MRPL48: variants seen among roughly 807,000 people sequenced by gnomAD.
The protein encoded by MRPL48 is large ribosomal subunit protein mL48.
In MRPL48, 16 loss-of-function variants were observed where a neutral mutation model predicts 32.9. The observed-to-expected ratio is 0.49, with a 90% CI of 0.33 to 0.74. The LOEUF (loss-of-function observed/expected upper bound fraction) is 0.74. Ranked by LOEUF, MRPL48 falls within the 30% of genes least tolerant of loss-of-function variation. The pLI is 0.02. For missense variants in MRPL48, 206 were observed against 245.3 expected (o/e 0.84, Z 1.07); for synonymous variants, 94 against 89.2 (o/e 1.05, Z -0.31).
intron 4 of MRPL48, among the ~76,000 whole-genome samples, chr11:73,833,076 A>G (rs1948024660): frequency 6.6e-6 from 1 of 152,150 alleles, no homozygotes. Context: ...AATTTTAAAA[A>G]CAAAAAAGAA....
At chr11:73,842,757 C>T (rs1948213862) in intron 4 of MRPL48, 1 of 152,324 alleles carries the variant, frequency 6.6e-6, no homozygotes, top group Non-Finnish European at 1.5e-5. Context: ...AGACGTGAGC[C>T]ACCGCGCCCG....
chr11:73,852,629 C>A (rs1242214905), intron 5 of MRPL48, among the ~76,000 whole-genome samples: 1 of 151,982 alleles, frequency 6.6e-6, no homozygotes, highest in Non-Finnish European at 1.5e-5. Flanking sequence ...GAAAAAGGAA[C>A]CTTTATACAC....
At chr11:73,845,024 C>T (rs1177282708) in intron 5 of MRPL48, 48 bp downstream of exon 5, 1 of 1,545,102 alleles carries the variant, frequency 6.5e-7, no homozygotes. Context: ...GGGTAGAATG[C>T]TCTGTTTTTT....
In MRPL48 at chr11:73,826,342, TA is replaced by T. The variant is rs532541329; in HGVS notation, c.201+555del. ...GCCTGATTTTATTATTTGTAATACT[TA>T]AAAAAAAATCTTCCTAGTAGTGTAC... On this transcript the variant is annotated intron_variant, in intron 4 of 7. Transcript: ENST00000310614. Among the ~76,000 whole-genome samples, 8 of 151,642 alleles carry T rather than the reference TA, an allele frequency of 5.3e-5. No individual in the cohort carries two copies. The South Asian group carries it at 8.3e-4, about 16-fold the overall frequency.
intron 1 of MRPL48, among the ~76,000 whole-genome samples, chr11:73,793,903 G>A (rs1449299614): frequency 7.0e-6 from 1 of 142,100 alleles, no homozygotes; most frequent in Non-Finnish European, 1.5e-5. Flanking sequence ...ACAGGGTCTC[G>A]CTATATTGCC....
rs1436207128 is a variant in MRPL48 at position 73,794,658 on chromosome 11, A to G, written c.21+6666A>G. On this transcript the variant is annotated intron_variant, in intron 1 of 7. Transcript: ENST00000310614. ...TGGGTTAAGTTGTTCAAGAGAATCT[A>G]GTTAGGGAATTGAGTTTAATGGAGC... 2.6e-5 allele frequency among the ~76,000 whole-genome samples: 4 copies of G among 152,210 alleles called. No individual in the cohort carries two copies. In the East Asian group the frequency reaches 7.7e-4, roughly 29 times the overall value.
In MRPL48 at chr11:73,864,409, A is replaced by G. The variant is rs1466735716; in HGVS notation, c.*39A>G. 1 of 1,602,212 alleles carries G rather than the reference A, an allele frequency of 6.2e-7. No individual in the cohort carries two copies. The highest frequency in any genetic ancestry group is 1.7e-5 in the Admixed American group (1 of 59,168). On this transcript the variant is annotated 3_prime_UTR_variant, in exon 8 of 8. Coordinates refer to ENST00000310614, the MANE Select transcript of MRPL48 (RefSeq NM_016055.6). Reference sequence around the variant, plus strand: ...TTTCATGCCAGCAGTGGTCATATTGAGTGCCAAAGAGAAGAGCTTACTGGG... The same window carrying G: ...TTTCATGCCAGCAGTGGTCATATTGGGTGCCAAAGAGAAGAGCTTACTGGG...
Position 73,849,206 on chromosome 11 carries a change from G to A in MRPL48, c.371+4230G>A, listed in dbSNP as rs886886407. Among the ~76,000 whole-genome samples the A allele has an allele frequency of 7.2e-5, 11 of 152,004 alleles. No individual in the cohort carries two copies. In the South Asian group the frequency reaches 2.1e-3, roughly 29 times the overall value. On this transcript the variant is annotated intron_variant, in intron 5 of 7. Transcript: ENST00000310614. ...AGCTGGAGTGCAGTGGCGCAATCTC[G>A]GCTGACTGCAACCTCTGCCTCCCAG...
intron 4 of MRPL48, among the ~76,000 whole-genome samples, chr11:73,830,576 G>GA (rs111687675): frequency 6.6e-6 from 1 of 151,928 alleles, no homozygotes; most frequent in South Asian, 2.1e-4. Context: ...CCTAAGCCTA[G>GA]AAAAAAAATA....
intron 3 of MRPL48, among the ~76,000 whole-genome samples, chr11:73,818,501 G>C (rs1947715319): frequency 6.6e-6 from 1 of 152,204 alleles, no homozygotes; most frequent in Non-Finnish European, 1.5e-5. Flanking sequence ...AGCTGGCAGG[G>C]ACAAATCATT....
intron 3 of MRPL48, among the ~76,000 whole-genome samples, chr11:73,821,264 A>C (rs1480851130): frequency 6.6e-6 from 1 of 152,040 alleles, no homozygotes; most frequent in Non-Finnish European, 1.5e-5. Context: ...CAAAGTGCAG[A>C]GATTACAGGC....
At chr11:73,817,897 TG>T in intron 3 of MRPL48, 1 of 282,974 alleles carries the variant, frequency 3.5e-6, no homozygotes, top group South Asian at 3.1e-5. Flanking sequence ...CTCGAACTCC[TG>T]GGTTCAAGCA....
intron 3 of MRPL48, among the ~76,000 whole-genome samples, chr11:73,809,417 T>C (rs542608563): frequency 3.3e-5 from 5 of 151,538 alleles, no homozygotes; most frequent in African/African-American, 4.8e-5. Context: ...GGCAGGAGAA[T>C]TGTTTGAACC....
At chr11:73,852,456 T>C (rs924752462) in intron 5 of MRPL48, among the ~76,000 whole-genome samples, 3 of 138,408 alleles carry the variant, frequency 2.2e-5, no homozygotes, top group African/African-American at 8.0e-5. Context: ...AAGATCTGAA[T>C]AGACGTTTCT....
chr11:73,848,488 A>ATTTT (rs56364963), intron 5 of MRPL48, among the ~76,000 whole-genome samples: 21 of 144,948 alleles, frequency 1.4e-4, no homozygotes, highest in Non-Finnish European at 2.3e-4. Context: ...GTCCGATGGG[A>ATTTT]TTTTTTTTTT....
At chr11:73,843,932 A>G (rs1177443740) in intron 4 of MRPL48, among the ~76,000 whole-genome samples, 1 of 152,072 alleles carries the variant, frequency 6.6e-6, no homozygotes, top group Non-Finnish European at 1.5e-5. Flanking sequence ...TACAAAAGTT[A>G]GCCAGGTGTG....
intron 5 of MRPL48, chr11:73,850,615 G>T: frequency 6.3e-6 from 2 of 316,938 alleles, no homozygotes; most frequent in Non-Finnish European, 1.2e-5. Flanking sequence ...ACATTAAGTT[G>T]TCCAAATTAT....
At chr11:73,793,896 G>A (rs927067730) in intron 1 of MRPL48, among the ~76,000 whole-genome samples, 3 of 148,066 alleles carry the variant, frequency 2.0e-5, no homozygotes, top group African/African-American at 7.5e-5. Flanking sequence ...CTGGAGAACA[G>A]GGTCTCGCTA....
Position 73,844,390 on chromosome 11 carries a change from C to T in MRPL48, c.202-417C>T, listed in dbSNP as rs536970115. Among the ~76,000 whole-genome samples the T allele has an allele frequency of 2.0e-5, 3 of 152,196 alleles. No individual in the cohort carries two copies. The East Asian group carries it at 5.8e-4, about 29-fold the overall frequency. ...AGGTTGCAGTGAGCCGAGATTGCGC[C>T]ACTGCCACTCCAGCCTGGGTGACAG... On this transcript the variant is annotated intron_variant, in intron 4 of 7. Coordinates refer to ENST00000310614, the MANE Select transcript of MRPL48 (RefSeq NM_016055.6).
Sources: gnomAD v4.1 joint callset for allele counts (sites outside exome capture counted in the v4.1 genomes callset) on GRCh38, gnomAD v4.1.1 for gene constraint, MANE v1.5 for transcripts, NCBI Gene and HGNC (gene_info 2026-07-23, HGNC 2026-07-21) for gene names.